The following SPAG16 variants were observed in gnomAD, a reference collection of about 807,000 sequenced individuals.
The protein encoded by SPAG16 is sperm associated antigen 16.
In SPAG16, 86 loss-of-function variants were observed where a neutral mutation model predicts 80.4. The observed-to-expected ratio is 1.07, with a 90% CI of 0.90 to 1.28. SPAG16 has a LOEUF of 1.28. Among genes scored for constraint, SPAG16 ranks in the 50% most tolerant of loss-of-function variants. The probability of loss-of-function intolerance (pLI) is 0.00; values close to 1 mark genes in which losing one functional copy is unlikely to be tolerated. For missense variants in SPAG16, 870 were observed against 765.3 expected, an observed-to-expected ratio of 1.14 and a Z score of -1.61; for synonymous variants, 294 against 265.9, an observed-to-expected ratio of 1.11 and a Z score of -1.03.
intron 12 of SPAG16, among the ~76,000 whole-genome samples, chr2:214,012,659 G>A (rs2047371422): frequency 1.3e-5 from 2 of 151,958 alleles, no homozygotes; most frequent in East Asian, 3.9e-4. Context: ...GTACTTACTA[G>A]TTATCCTGAT....
At chr2:214,257,251 G>GCTAA (rs1378271452) in intron 15 of SPAG16, among the ~76,000 whole-genome samples, 1 of 151,858 alleles carries the variant, frequency 6.6e-6, no homozygotes, top group Non-Finnish European at 1.5e-5. Context: ...CTGTGACTTT[G>GCTAA]GTCGTTTCAC....
intron 10 of SPAG16, among the ~76,000 whole-genome samples, chr2:213,855,338 A>T (rs902601215): frequency 7.2e-5 from 11 of 152,226 alleles, no homozygotes; most frequent in African/African-American, 2.7e-4. Context: ...GACTTGAGAC[A>T]GTTCACTCAA....
At chr2:213,845,656 C>T (rs2074585976) in intron 10 of SPAG16, among the ~76,000 whole-genome samples, 1 of 152,172 alleles carries the variant, frequency 6.6e-6, no homozygotes, top group African/African-American at 2.4e-5. Context: ...TACCTTTCAT[C>T]ACCTTAATTC....
intron 15 of SPAG16, among the ~76,000 whole-genome samples, chr2:214,283,282 C>G (rs1365503089): frequency 1.3e-5 from 2 of 151,996 alleles, no homozygotes; most frequent in African/African-American, 4.8e-5. Context: ...AGTGTAAAGA[C>G]TTTGGTCTCT....
intron 13 of SPAG16, among the ~76,000 whole-genome samples, chr2:214,016,346 A>G (rs1369469487): frequency 6.6e-6 from 1 of 152,200 alleles, no homozygotes; most frequent in East Asian, 1.9e-4. Context: ...TCACCTTTAT[A>G]AAACCATCAG....
chr2:214,171,677 T>C (rs900238195), intron 15 of SPAG16, among the ~76,000 whole-genome samples: 7 of 151,918 alleles, frequency 4.6e-5, no homozygotes, highest in African/African-American at 1.7e-4. Context: ...TCTACTCCTA[T>C]GTAGTAAGAC....
At chr2:213,793,382 C>T (rs1282806216) in intron 10 of SPAG16, among the ~76,000 whole-genome samples, 1 of 152,114 alleles carries the variant, frequency 6.6e-6, no homozygotes, top group Non-Finnish European at 1.5e-5. Context: ...ATACCTCTTA[C>T]CTCTCAATGT....
intron 10 of SPAG16, among the ~76,000 whole-genome samples, chr2:213,828,016 T>G (rs1328953155): frequency 5.3e-5 from 8 of 152,146 alleles, no homozygotes; most frequent in African/African-American, 1.9e-4. Context: ...CTCCTTGGTG[T>G]TGTATAACTT....
chr2:213,494,403 G>A (rs563603695), intron 10 of SPAG16, among the ~76,000 whole-genome samples: 73 of 152,128 alleles, frequency 4.8e-4, no homozygotes, highest in African/African-American at 1.7e-3. Context: ...TTTTGCAAAC[G>A]TACCAAATCT....
At chr2:214,062,551 A>G (rs545208128) in intron 13 of SPAG16, among the ~76,000 whole-genome samples, 2 of 151,758 alleles carry the variant, frequency 1.3e-5, no homozygotes, top group South Asian at 4.2e-4. Flanking sequence ...ATCTTTTCAG[A>G]TGGTGAGAAC....
intron 10 of SPAG16, among the ~76,000 whole-genome samples, chr2:213,715,380 T>C (rs528309145): frequency 7.2e-5 from 11 of 152,292 alleles, no homozygotes; most frequent in African/African-American, 2.6e-4. Flanking sequence ...AAGTACATCA[T>C]AAAATATCAT....
chr2:214,097,659 C>G (rs889652250), intron 13 of SPAG16, among the ~76,000 whole-genome samples: 1 of 151,752 alleles, frequency 6.6e-6, no homozygotes, highest in Non-Finnish European at 1.5e-5. Context: ...ACCAAACTTG[C>G]AATGTGTGTG....
chr2:214,073,860 G>A (rs937615380), intron 13 of SPAG16, among the ~76,000 whole-genome samples: 1 of 152,144 alleles, frequency 6.6e-6, no homozygotes, highest in Non-Finnish European at 1.5e-5. Flanking sequence ...TAGAGTAATG[G>A]AACAAAATAG....
At chr2:214,209,441 A>T (rs931578733) in intron 15 of SPAG16, among the ~76,000 whole-genome samples, 2 of 152,204 alleles carry the variant, frequency 1.3e-5, no homozygotes, top group Non-Finnish European at 2.9e-5. Context: ...ATCAATCGAG[A>T]GATGTTCAAA....
intron 15 of SPAG16, among the ~76,000 whole-genome samples, chr2:214,390,514 C>CA (rs1381300882): frequency 6.6e-6 from 1 of 152,098 alleles, no homozygotes; most frequent in Non-Finnish European, 1.5e-5. Flanking sequence ...ACTTTGAGCA[C>CA]AAACTGGTTA....
At chr2:213,573,678 A>T (rs1650208330) in intron 10 of SPAG16, among the ~76,000 whole-genome samples, 1 of 152,168 alleles carries the variant, frequency 6.6e-6, no homozygotes, top group African/African-American at 2.4e-5. Context: ...TTTCTAGGTA[A>T]ATGTAAGTCC....
At chr2:214,315,481 C>A (rs1244528405) in intron 15 of SPAG16, among the ~76,000 whole-genome samples, 1 of 151,282 alleles carries the variant, frequency 6.6e-6, no homozygotes, top group Admixed American at 6.6e-5. Context: ...ATTTATTCTT[C>A]CCCCCTCCAG....
chr2:213,576,799 A>G (rs890836112), intron 10 of SPAG16, among the ~76,000 whole-genome samples: 3 of 152,124 alleles, frequency 2.0e-5, no homozygotes, highest in Non-Finnish European at 2.9e-5. Flanking sequence ...ATAAGAACAC[A>G]TAGACACATA....
chr2:214,071,039 T>C (rs2050766539), intron 13 of SPAG16, among the ~76,000 whole-genome samples: 1 of 151,978 alleles, frequency 6.6e-6, no homozygotes, highest in Admixed American at 6.6e-5. Context: ...ATCGAGAAAA[T>C]CTAAAGGTCT....
Sources: gnomAD v4.1 joint callset for allele counts (sites outside exome capture counted in the v4.1 genomes callset) on GRCh38, gnomAD v4.1.1 for gene constraint, MANE v1.5 for transcripts, NCBI Gene and HGNC (gene_info 2026-07-23, HGNC 2026-07-21) for gene names.